Variants in BBOF1 observed in about 807,000 individuals in gnomAD.
BBOF1 encodes basal body orientation factor 1.
In BBOF1, 62 loss-of-function variants were observed where a neutral mutation model predicts 68.0. The observed-to-expected ratio is 0.91, with a 90% CI of 0.74 to 1.13. The LOEUF (loss-of-function observed/expected upper bound fraction) is 1.13. BBOF1 is among the 50% of genes most tolerant of loss of function. The pLI is 0.00. For missense variants in BBOF1, 534 were observed against 600.1 expected (o/e 0.89, Z 1.15); for synonymous variants, 208 against 198.8 (o/e 1.05, Z -0.39).
chr14:74,057,420 A>G, intron 11 of BBOF1, 162 bp downstream of exon 11: 1 of 1,521,022 alleles, frequency 6.6e-7, no homozygotes, highest in Non-Finnish European at 8.8e-7. Context: ...TTTTAAAGCA[A>G]TATCCGTACA....
At position 74,049,738 on chromosome 14, in the gene BBOF1, C is replaced by G. The variant is rs1052866219; in HGVS notation, c.829C>G (p.Gln277Glu). 1 of 1,610,834 alleles carries G rather than the reference C, an allele frequency of 6.2e-7. No individual in the cohort carries two copies. The highest frequency in any genetic ancestry group is 1.3e-5 in the African/African-American group (1 of 74,744). The change falls in exon 8 of 12, where the codon CAA (glutamine) becomes GAA (glutamate). Residue 277 changes from glutamine (Q) to glutamate (E), a missense_variant. Gln to Glu is a conservative substitution (Grantham distance 29, BLOSUM62 2). Transcript: ENST00000394009. Reference sequence around the variant, plus strand: ...TCTGTTGGTTAAGGAAAAGATTATGCAACTTGTCCAGCAGAGATCACAAAT... The same window carrying G: ...TCTGTTGGTTAAGGAAAAGATTATGGAACTTGTCCAGCAGAGATCACAAAT... ...NDLLVKEKIM[Q>E]LVQQRSQIQT...
intron 8 of BBOF1, among the ~76,000 whole-genome samples, chr14:74,052,265 A>G (rs1484539168): frequency 1.3e-5 from 2 of 151,738 alleles, no homozygotes; most frequent in African/African-American, 4.9e-5. Context: ...TCTGTGTTCT[A>G]TGTGACATTT....
intron 3 of BBOF1, among the ~76,000 whole-genome samples, chr14:74,031,269 C>CA (rs539326839): frequency 4.6e-5 from 7 of 152,032 alleles, no homozygotes; most frequent in Non-Finnish European, 8.8e-5. Context: ...AGTACCACTA[C>CA]ACCTGGCAAA....
chr14:74,072,753 C>T, intron 9 of BBOF1: 1 of 954,882 alleles, frequency 1.0e-6, no homozygotes, highest in South Asian at 1.5e-5. Context: ...GAAATGTTAC[C>T]ACTAGGAAAG....
chr14:74,024,750 G>A (rs564516146), intron 2 of BBOF1, among the ~76,000 whole-genome samples: 3 of 152,126 alleles, frequency 2.0e-5, no homozygotes, highest in African/African-American at 7.2e-5. Context: ...GCAAGCATGA[G>A]CCACCATGCC....
chr14:74,044,208 T>G (rs2059897860), intron 5 of BBOF1, among the ~76,000 whole-genome samples: 1 of 151,954 alleles, frequency 6.6e-6, no homozygotes, highest in Non-Finnish European at 1.5e-5. Flanking sequence ...ATCATGCCAC[T>G]GCACTCCAGC....
intron 9 of BBOF1, among the ~76,000 whole-genome samples, chr14:74,077,492 T>C (rs951844625): frequency 1.3e-5 from 2 of 152,194 alleles, no homozygotes; most frequent in African/African-American, 2.4e-5. Flanking sequence ...TTCTGTCCTG[T>C]GTCATAATAT....
At chr14:74,067,325 A>C, downstream of BBOF1, 13 of 1,600,810 alleles carry the variant, frequency 8.1e-6, no homozygotes, top group South Asian at 3.3e-5. Flanking sequence ...ACAGAACCCA[A>C]GAGCTTAATG....
intron 11 of BBOF1, among the ~76,000 whole-genome samples, chr14:74,062,470 A>T (rs1343809999): frequency 6.6e-6 from 1 of 152,014 alleles, no homozygotes; most frequent in Non-Finnish European, 1.5e-5. Flanking sequence ...GTGTGGTGGC[A>T]CGTGCCTGTA....
downstream of BBOF1, chr14:74,067,470 T>C (rs1415314155): frequency 3.7e-6 from 6 of 1,614,096 alleles, no homozygotes; most frequent in Non-Finnish European, 5.1e-6. Flanking sequence ...GAAAGAGCCA[T>C]GCAGCGCTGA....
chr14:74,024,354 G>T (rs1198154432), intron 2 of BBOF1, among the ~76,000 whole-genome samples: 2 of 152,130 alleles, frequency 1.3e-5, no homozygotes, highest in Non-Finnish European at 2.9e-5. Flanking sequence ...TACTCGGGAG[G>T]CTAAGGCGGG....
intron 5 of BBOF1, among the ~76,000 whole-genome samples, chr14:74,045,827 T>C (rs1171096390): frequency 2.0e-5 from 3 of 152,140 alleles, no homozygotes; most frequent in Non-Finnish European, 4.4e-5. Flanking sequence ...TGGAATTGAA[T>C]TTTCTCCCCT....
chr14:74,059,787 T>G (rs762229802), intron 11 of BBOF1: 1 of 156,224 alleles, frequency 6.4e-6, no homozygotes, highest in African/African-American at 2.4e-5. Context: ...ACTTAGTACT[T>G]GGCACATATA....
At chr14:74,022,167 G>C (rs2059316858) in intron 1 of BBOF1, among the ~76,000 whole-genome samples, 1 of 151,866 alleles carries the variant, frequency 6.6e-6, no homozygotes, top group Admixed American at 6.6e-5. Context: ...GAGCCCAGAA[G>C]TTGGAGACCA....
chr14:74,053,679 T>A (rs941820491), intron 8 of BBOF1, among the ~76,000 whole-genome samples: 1 of 151,792 alleles, frequency 6.6e-6, no homozygotes, highest in Non-Finnish European at 1.5e-5. Context: ...AGCTCCAGGA[T>A]TACAGGTGTG....
At chr14:74,023,731 C>T (rs2059355939) in intron 2 of BBOF1, among the ~76,000 whole-genome samples, 1 of 151,970 alleles carries the variant, frequency 6.6e-6, no homozygotes, top group Non-Finnish European at 1.5e-5. Flanking sequence ...GCCTGGGCAA[C>T]ACAGTGAAAC....
chr14:74,057,699 T>G, intron 11 of BBOF1: 1 of 1,261,172 alleles, frequency 7.9e-7, no homozygotes, highest in Non-Finnish European at 1.0e-6. Flanking sequence ...TAATTTGTTA[T>G]TCATAATTAG....
chr14:74,042,909 C>CAT (rs1295033127), intron 5 of BBOF1, among the ~76,000 whole-genome samples: 1 of 149,018 alleles, frequency 6.7e-6, no homozygotes, highest in Non-Finnish European at 1.5e-5. Flanking sequence ...CACACACACA[C>CAT]ACTACTGGGA....
At chr14:74,022,682 C>G (rs1241359170) in intron 1 of BBOF1, among the ~76,000 whole-genome samples, 1 of 152,152 alleles carries the variant, frequency 6.6e-6, no homozygotes, top group East Asian at 1.9e-4. Context: ...ACTTAATTAT[C>G]TTATGTGAAT....
Sources: gnomAD v4.1 joint callset for allele counts (sites outside exome capture counted in the v4.1 genomes callset) on GRCh38, gnomAD v4.1.1 for gene constraint, MANE v1.5 for transcripts, NCBI Gene and HGNC (gene_info 2026-07-23, HGNC 2026-07-21) for gene names.